The following ANO3 variants were observed in gnomAD, a reference collection of about 807,000 sequenced individuals.
The protein encoded by ANO3 is anoctamin-3.
ANO3 carries 99 observed loss-of-function variants against 144.8 expected under a neutral mutation model. The observed-to-expected ratio is 0.68, with a 90% CI of 0.58 to 0.81. The LOEUF is 0.81. Among genes scored for constraint, ANO3 ranks in the 30% least tolerant of loss-of-function variants. The probability of loss-of-function intolerance (pLI) is 0.00; values close to 1 mark genes in which losing one functional copy is unlikely to be tolerated. For missense variants in ANO3, 905 were observed against 1,202.2 expected, an observed-to-expected ratio of 0.75 and a Z score of 3.66; for synonymous variants, 414 against 392.6, an observed-to-expected ratio of 1.05 and a Z score of -0.64.
chr11:26,481,899 T>C (rs759270908), intron 4 of ANO3, among the ~76,000 whole-genome samples: 1 of 152,152 alleles, frequency 6.6e-6, no homozygotes, highest in Non-Finnish European at 1.5e-5. Context: ...TTCTTTTTTT[T>C]ACTTTGTTTT....
chr11:26,633,407 G>A (rs1254695798), intron 18 of ANO3, among the ~76,000 whole-genome samples: 1 of 152,186 alleles, frequency 6.6e-6, no homozygotes, highest in Admixed American at 6.5e-5. Context: ...GTGCAAGGCT[G>A]AGATAAGAGC....
chr11:26,613,385 G>C (rs293932), intron 17 of ANO3, among the ~76,000 whole-genome samples: 1 of 151,994 alleles, frequency 6.6e-6, no homozygotes, highest in African/African-American at 2.4e-5. Flanking sequence ...TCAGATCATT[G>C]GTTATTTTTC....
At chr11:26,235,560 AG>A (rs76792540) in intron 1 of ANO3, among the ~76,000 whole-genome samples, 2,287 of 151,728 alleles carry the variant, frequency 0.015, 47 homozygotes, top group East Asian at 0.12. Context: ...AAATAAGAGA[AG>A]AAAGCCTATT....
intron 17 of ANO3, among the ~76,000 whole-genome samples, chr11:26,621,790 AAG>A (rs1852423729): frequency 6.6e-6 from 1 of 152,166 alleles, no homozygotes; most frequent in Admixed American, 6.5e-5. Flanking sequence ...ATATATGAAT[AAG>A]AGAATTTCAG....
At chr11:26,369,841 G>A (rs1856199781) in intron 1 of ANO3, among the ~76,000 whole-genome samples, 1 of 151,918 alleles carries the variant, frequency 6.6e-6, no homozygotes, top group Admixed American at 6.6e-5. Context: ...TCATCATGTG[G>A]GAGTTATCCT....
intron 1 of ANO3, among the ~76,000 whole-genome samples, chr11:26,209,517 G>C (rs1851887528): frequency 6.6e-6 from 1 of 152,186 alleles, no homozygotes. Context: ...CCAGTAATGG[G>C]ATTGCTCGGT....
intron 17 of ANO3, among the ~76,000 whole-genome samples, chr11:26,603,999 T>C (rs111493638): frequency 7.2e-5 from 11 of 152,132 alleles, no homozygotes; most frequent in Non-Finnish European, 1.5e-4. Flanking sequence ...GTAAAATACC[T>C]AAGTGTTACA....
intron 1 of ANO3, among the ~76,000 whole-genome samples, chr11:26,283,719 G>T (rs1287899832): frequency 6.6e-6 from 1 of 151,832 alleles, no homozygotes; most frequent in Non-Finnish European, 1.5e-5. Flanking sequence ...AACTTTCCAG[G>T]GTACTAGAAA....
intron 1 of ANO3, among the ~76,000 whole-genome samples, chr11:26,273,811 G>A (rs1201609798): frequency 6.6e-6 from 1 of 152,152 alleles, no homozygotes. Flanking sequence ...GCCAGATCAT[G>A]AGGAAGAAGA....
chr11:26,279,360 T>C (rs1465915195), intron 1 of ANO3, among the ~76,000 whole-genome samples: 2 of 152,190 alleles, frequency 1.3e-5, no homozygotes, highest in Non-Finnish European at 2.9e-5. Flanking sequence ...TTTGAATTGC[T>C]TTGCTATTGT....
At chr11:26,501,520 G>A (rs1236832170) in intron 4 of ANO3, among the ~76,000 whole-genome samples, 1 of 151,506 alleles carries the variant, frequency 6.6e-6, no homozygotes, top group Non-Finnish European at 1.5e-5. Context: ...TTACATCCTT[G>A]TTTTGCCATG....
In ANO3 at chr11:26,365,476, G is replaced by A. The variant is rs553760512; in HGVS notation, c.46+33155G>A. Among the ~76,000 whole-genome samples the A allele has an allele frequency of 3.5e-3, 537 of 152,296 alleles. 1 individual carries two copies. Among genetic ancestry groups the A allele is most frequent in the Middle Eastern group, 0.017 (5 of 292 alleles). ...CTTCCCTAGTAGAGGTTCTCTGTGA[G>A]GGCTCCACCCCTGCAGCAGGCTTCT... On this transcript the variant is annotated intron_variant, in intron 1 of 26. Transcript: ENST00000256737.
At chr11:26,318,377 T>A (rs1476147488) in intron 1 of ANO3, among the ~76,000 whole-genome samples, 1 of 152,150 alleles carries the variant, frequency 6.6e-6, no homozygotes, top group Non-Finnish European at 1.5e-5. Context: ...TTAACTAAGG[T>A]CTTCTGAGGT....
chr11:26,533,020 C>A (rs1849412450), intron 8 of ANO3, among the ~76,000 whole-genome samples: 1 of 152,084 alleles, frequency 6.6e-6, no homozygotes, highest in African/African-American at 2.4e-5. Flanking sequence ...GGTGGACATT[C>A]CTTCTCCTAC....
intron 1 of ANO3, among the ~76,000 whole-genome samples, chr11:26,299,132 G>GGTGAGACATGGGTTTT (rs1345488104): frequency 6.6e-6 from 1 of 152,194 alleles, no homozygotes; most frequent in Non-Finnish European, 1.5e-5. Flanking sequence ...TGAGGTTTCT[G>GGTGAGACATGGGTTTT]GGGTTTTGCA....
intron 6 of ANO3, among the ~76,000 whole-genome samples, chr11:26,519,897 T>C (rs1340393817): frequency 1.1e-5 from 1 of 93,346 alleles, no homozygotes; most frequent in Non-Finnish European, 2.3e-5. Context: ...AAAAGTCTTA[T>C]AGAGACAATG....
Position 26,262,741 on chromosome 11 carries a change from G to C in ANO3, c.155-46904G>C, listed in dbSNP as rs1903456. 6.0e-3 allele frequency among the ~76,000 whole-genome samples: 818 copies of C among 136,588 alleles called. 13 individuals carry two copies. The highest frequency in any genetic ancestry group is 0.013 in the African/African-American group (486 of 36,196). 89.6% of individuals were successfully genotyped at this position (136,588 alleles called of 152,430 possible). The stretch of plus-strand genomic sequence containing the variant: ...GTAAACACACACACACACACACACA[G>C]AGAGAGAGAGAGAGAGAGATTCTCT... On this transcript the variant is annotated intron_variant, in intron 1 of 27. Transcript: ENST00000672621.
rs1233261628 is a variant in ANO3 at position 26,278,666 on chromosome 11, CA to C, written c.155-30978del. Among the ~76,000 whole-genome samples the C allele has an allele frequency of 2.6e-5, 4 of 152,104 alleles. No homozygotes were observed. The East Asian group carries it at 7.7e-4, about 29-fold the overall frequency. On this transcript the variant is annotated intron_variant, in intron 1 of 27. Coordinates refer to the ANO3 transcript ENST00000672621. ...TTTGCACTGGTGTTTCAAAATTCTA[CA>C]GTGGATAAAACTTCAAATACAAACA...
chr11:26,231,764 C>T (rs188137704), intron 1 of ANO3, among the ~76,000 whole-genome samples: 61 of 152,228 alleles, frequency 4.0e-4, no homozygotes, highest in Admixed American at 3.5e-3. Flanking sequence ...AATGCGTCTA[C>T]GAATGTAAGA....
Sources: allele counts gnomAD v4.1 joint callset (sites outside exome capture counted in the v4.1 genomes callset), GRCh38; gene constraint gnomAD v4.1.1; transcripts MANE v1.5; gene names NCBI Gene and HGNC (gene_info 2026-07-23, HGNC 2026-07-21).